CSGALNACT1: variants seen among roughly 807,000 people sequenced by gnomAD.
The protein encoded by CSGALNACT1 is beta4GalNAcT-1.
In CSGALNACT1, 52 loss-of-function variants were observed where a neutral mutation model predicts 51.0. The ratio of observed to expected loss-of-function variants is 1.02; its 90% confidence interval spans 0.82 to 1.29. The LOEUF (loss-of-function observed/expected upper bound fraction) is 1.29. Ranked by LOEUF, CSGALNACT1 falls within the 50% of genes most tolerant of loss-of-function variation. The pLI is 0.00. For missense variants in CSGALNACT1, 935 were observed against 679.2 expected (o/e 1.38, Z -4.19); for synonymous variants, 341 against 254.4 (o/e 1.34, Z -3.24).
chr8:19,570,632 C>T (rs954768650), intron 3 of CSGALNACT1, among the ~76,000 whole-genome samples: 1 of 152,060 alleles, frequency 6.6e-6, no homozygotes, highest in Non-Finnish European at 1.5e-5. Flanking sequence ...CCGGGTTTGG[C>T]GGCTCAAGCC....
At chr8:19,490,427 A>C (rs1214194679) in intron 4 of CSGALNACT1, among the ~76,000 whole-genome samples, 4 of 152,212 alleles carry the variant, frequency 2.6e-5, no homozygotes, top group Admixed American at 1.3e-4. Flanking sequence ...CTTGTCCTTG[A>C]AAACTCCTAT....
intron 1 of CSGALNACT1, among the ~76,000 whole-genome samples, chr8:19,699,906 T>A (rs1167729869): frequency 6.6e-6 from 1 of 151,134 alleles, no homozygotes; most frequent in Non-Finnish European, 1.5e-5. Context: ...AAGTCAGGAG[T>A]TTGAGACCAG....
At chr8:19,721,736 G>C (rs574934918) in intron 1 of CSGALNACT1, among the ~76,000 whole-genome samples, 3 of 152,138 alleles carry the variant, frequency 2.0e-5, no homozygotes, top group African/African-American at 4.8e-5. Flanking sequence ...GAAATATCAC[G>C]CATTATGCTG....
At chr8:19,448,778 G>A (rs1172187676) in intron 5 of CSGALNACT1, among the ~76,000 whole-genome samples, 1 of 152,190 alleles carries the variant, frequency 6.6e-6, no homozygotes, top group Non-Finnish European at 1.5e-5. Flanking sequence ...AAATGTTCAG[G>A]TATGTGATGA....
chr8:19,708,136 A>G (rs748208780), intron 1 of CSGALNACT1, among the ~76,000 whole-genome samples: 1 of 152,228 alleles, frequency 6.6e-6, no homozygotes, highest in Non-Finnish European at 1.5e-5. Flanking sequence ...ACGGGAGGAA[A>G]GCAGTTTAAT....
At chr8:19,721,033 A>T (rs2063098508) in intron 1 of CSGALNACT1, among the ~76,000 whole-genome samples, 1 of 152,210 alleles carries the variant, frequency 6.6e-6, no homozygotes, top group Admixed American at 6.5e-5. Flanking sequence ...ACACTAGGTG[A>T]CAATAAACAT....
At chr8:19,452,256 G>C (rs1440932611) in intron 5 of CSGALNACT1, among the ~76,000 whole-genome samples, 1 of 152,160 alleles carries the variant, frequency 6.6e-6, no homozygotes, top group Admixed American at 6.5e-5. Context: ...AGGCAGCCTG[G>C]GGGACCTAGG....
intron 1 of CSGALNACT1, among the ~76,000 whole-genome samples, chr8:19,717,122 G>C (rs376785327): frequency 1.3e-5 from 2 of 152,202 alleles, no homozygotes; most frequent in African/African-American, 4.8e-5. Context: ...TTAGTTTCTT[G>C]TAAAATTATC....
chr8:19,672,890 G>T (rs1391797513), intron 1 of CSGALNACT1, among the ~76,000 whole-genome samples: 1 of 152,224 alleles, frequency 6.6e-6, no homozygotes, highest in Non-Finnish European at 1.5e-5. Flanking sequence ...AGCTGCTTCA[G>T]TCTGGGTTCA....
chr8:19,747,743 A>G (rs1331712127), intron 1 of CSGALNACT1, among the ~76,000 whole-genome samples: 2 of 152,106 alleles, frequency 1.3e-5, no homozygotes, highest in East Asian at 3.9e-4. Context: ...TGAGTCAGCT[A>G]CAGAGCTCTG....
chr8:19,614,156 G>C (rs140214698), intron 1 of CSGALNACT1, among the ~76,000 whole-genome samples: 90 of 152,152 alleles, frequency 5.9e-4, no homozygotes, highest in African/African-American at 2.0e-3. Flanking sequence ...AACGTGTATT[G>C]ATCACCTATT....
chr8:19,663,501 A>G (rs2058938096), intron 1 of CSGALNACT1, among the ~76,000 whole-genome samples: 1 of 147,996 alleles, frequency 6.8e-6, no homozygotes, highest in African/African-American at 2.7e-5. Context: ...AGAGGTTCCT[A>G]CAAGCAACTC....
At chr8:19,616,560 G>A (rs1363111410) in intron 1 of CSGALNACT1, among the ~76,000 whole-genome samples, 1 of 152,156 alleles carries the variant, frequency 6.6e-6, no homozygotes, top group African/African-American at 2.4e-5. Context: ...GTTGGAGGTG[G>A]GGCCTCCTGG....
intron 8 of CSGALNACT1, among the ~76,000 whole-genome samples, chr8:19,411,853 C>G (rs1018517578): frequency 1.4e-5 from 2 of 141,756 alleles, no homozygotes; most frequent in African/African-American, 5.4e-5. Flanking sequence ...TTTTTTTTGA[C>G]GGAGTCTTGC....
intron 3 of CSGALNACT1, among the ~76,000 whole-genome samples, chr8:19,551,490 G>A (rs559864399): frequency 6.6e-6 from 1 of 152,282 alleles, no homozygotes; most frequent in South Asian, 2.1e-4. Flanking sequence ...ACAGATTAGA[G>A]CATTTCCTCC....
intron 3 of CSGALNACT1, among the ~76,000 whole-genome samples, chr8:19,564,433 T>G (rs943640373): frequency 6.6e-6 from 1 of 151,972 alleles, no homozygotes; most frequent in African/African-American, 2.4e-5. Context: ...CTGCAAGATA[T>G]TTCTAATGGG....
rs574404101 is a variant in CSGALNACT1, at chr8:19,733,494, T to G, written c.-297+24356A>C. ...ATCAACACCATTGTCTCAAACTTTCTGAGTTAGGAGCCAGCAGCTGTGTGA... is the reference window on the plus strand; with the variant it reads ...ATCAACACCATTGTCTCAAACTTTCGGAGTTAGGAGCCAGCAGCTGTGTGA... On this transcript the variant is annotated intron_variant, in intron 1 of 1. Transcript: ENST00000517494. Among the ~76,000 whole-genome samples the G allele has an allele frequency of 2.3e-4, 35 of 152,156 alleles. 1 individual carries two copies. In the South Asian group the frequency reaches 4.6e-3, roughly 20 times the overall value.
At chr8:19,580,067 T>C (rs913969402) in intron 3 of CSGALNACT1, among the ~76,000 whole-genome samples, 1 of 152,210 alleles carries the variant, frequency 6.6e-6, no homozygotes, top group African/African-American at 2.4e-5. Context: ...TACTGCTTGC[T>C]CTTTTCAGAG....
chr8:19,509,145 A>G (rs2077945120), intron 3 of CSGALNACT1, among the ~76,000 whole-genome samples: 1 of 152,220 alleles, frequency 6.6e-6, no homozygotes, highest in African/African-American at 2.4e-5. Flanking sequence ...ATTCTTTAAC[A>G]GACAAAATAT....
Sources: gnomAD v4.1 joint callset for allele counts (sites outside exome capture counted in the v4.1 genomes callset) on GRCh38, gnomAD v4.1.1 for gene constraint, MANE v1.5 for transcripts, NCBI Gene and HGNC (gene_info 2026-07-23, HGNC 2026-07-21) for gene names.